The following NKAIN2 variants were observed in gnomAD, a reference collection of about 807,000 sequenced individuals.
NKAIN2 encodes the protein sodium/potassium transporting ATPase interacting 2.
Under a neutral mutation model 32.6 loss-of-function variants are expected in NKAIN2, and 14 were observed. That is an observed-to-expected ratio of 0.43 (90% CI 0.28 to 0.67). NKAIN2 has a LOEUF of 0.67. Ranked by LOEUF, NKAIN2 falls within the 30% of genes least tolerant of loss-of-function variation. The pLI is 0.17. For synonymous variants in NKAIN2, 80 were observed against 87.2 expected (o/e 0.92, Z 0.46); for missense variants, 198 against 258.3 (o/e 0.77, Z 1.60).
chr6:124,239,409 T>C (rs145767618), intron 1 of NKAIN2, among the ~76,000 whole-genome samples: 3,557 of 152,146 alleles, frequency 0.023, 138 homozygotes, highest in African/African-American at 0.082. Context: ...TAGACATCTA[T>C]AGAACTCTCC....
intron 4 of NKAIN2, among the ~76,000 whole-genome samples, chr6:124,700,344 C>G (rs1774713741): frequency 6.6e-6 from 1 of 152,168 alleles, no homozygotes; most frequent in South Asian, 2.1e-4. Flanking sequence ...AGTATTACTT[C>G]TGTTCGCTCA....
intron 3 of NKAIN2, among the ~76,000 whole-genome samples, chr6:124,395,546 C>T (rs990872234): frequency 3.3e-5 from 5 of 152,092 alleles, no homozygotes; most frequent in Admixed American, 1.3e-4. Flanking sequence ...AATTGAGATA[C>T]TCATGGATGT....
intron 2 of NKAIN2, among the ~76,000 whole-genome samples, chr6:124,348,101 T>C (rs753284280): frequency 6.6e-5 from 10 of 152,198 alleles, no homozygotes; most frequent in Non-Finnish European, 1.2e-4. Context: ...AGAGGTCCAC[T>C]CCAGACCCTG....
At chr6:124,777,088 T>C (rs1430260890) in intron 4 of NKAIN2, among the ~76,000 whole-genome samples, 6 of 152,218 alleles carry the variant, frequency 3.9e-5, no homozygotes, top group African/African-American at 1.4e-4. Context: ...GATTTTTTAG[T>C]ATTTTCTAAA....
At chr6:124,788,841 A>G (rs1185748661) in intron 4 of NKAIN2, among the ~76,000 whole-genome samples, 1 of 152,048 alleles carries the variant, frequency 6.6e-6, no homozygotes, top group Non-Finnish European at 1.5e-5. Flanking sequence ...AATTTTATAA[A>G]TTGCCACTGG....
chr6:124,059,525 G>A (rs997112185), intron 1 of NKAIN2, among the ~76,000 whole-genome samples: 2 of 152,066 alleles, frequency 1.3e-5, no homozygotes, highest in African/African-American at 2.4e-5. Context: ...TCTCAGAAGC[G>A]TAGAACCTAA....
At chr6:124,208,940 A>G (rs2114652150) in intron 1 of NKAIN2, among the ~76,000 whole-genome samples, 1 of 151,764 alleles carries the variant, frequency 6.6e-6, no homozygotes, top group South Asian at 2.1e-4. Context: ...CCATCATCTC[A>G]AATATTTATC....
rs141619013 is a variant in NKAIN2 at position 124,390,347 on chromosome 6, G to A, written c.273+35000G>A. ...TTTCAATACTCTAGCAATTAGGCAG[G>A]CTGAAGCAAACAAGCTCGAGATCAG... On this transcript the variant is annotated intron_variant, in intron 3 of 6. Coordinates refer to ENST00000368417, the MANE Select transcript of NKAIN2 (RefSeq NM_001040214.3). Among the ~76,000 whole-genome samples, 1,088 of 152,132 alleles carry A rather than the reference G, an allele frequency of 7.2e-3. 7 individuals carry two copies. Among genetic ancestry groups the A allele is most frequent in the Non-Finnish European group, 7.8e-3 (529 of 67,958 alleles).
At chr6:124,753,717 G>A (rs763302147) in intron 4 of NKAIN2, among the ~76,000 whole-genome samples, 19 of 152,176 alleles carry the variant, frequency 1.2e-4, no homozygotes, top group Non-Finnish European at 1.8e-4. Flanking sequence ...GAAAGAATGA[G>A]GAGTCTCTGA....
At chr6:124,524,703 C>T (rs963247407) in intron 3 of NKAIN2, among the ~76,000 whole-genome samples, 1 of 152,186 alleles carries the variant, frequency 6.6e-6, no homozygotes, top group African/African-American at 2.4e-5. Context: ...CAAAAGTAGA[C>T]TCCTGTTTCA....
chr6:124,765,074 A>G (rs1257071189), intron 4 of NKAIN2, among the ~76,000 whole-genome samples: 1 of 152,216 alleles, frequency 6.6e-6, no homozygotes, highest in Non-Finnish European at 1.5e-5. Context: ...AATAATATCT[A>G]AGACCCTCAG....
chr6:124,072,146 TA>T (rs1042207471), intron 1 of NKAIN2, among the ~76,000 whole-genome samples: 1 of 152,064 alleles, frequency 6.6e-6, no homozygotes, highest in South Asian at 2.1e-4. Context: ...ATGCAGCCAT[TA>T]AAAAATAATA....
At chr6:124,424,097 C>T (rs780140675) in intron 3 of NKAIN2, among the ~76,000 whole-genome samples, 66 of 151,962 alleles carry the variant, frequency 4.3e-4, no homozygotes, top group Non-Finnish European at 8.5e-4. Context: ...GGGTTCACGC[C>T]GTTCTCCTGT....
intron 4 of NKAIN2, among the ~76,000 whole-genome samples, chr6:124,726,182 A>C (rs978914239): frequency 6.6e-6 from 1 of 152,336 alleles, no homozygotes; most frequent in Admixed American, 6.5e-5. Flanking sequence ...GCAGCCAGAA[A>C]GCTCCAACTG....
At chr6:124,522,371 A>G (rs1323799435) in intron 3 of NKAIN2, among the ~76,000 whole-genome samples, 1 of 152,192 alleles carries the variant, frequency 6.6e-6, no homozygotes, top group Non-Finnish European at 1.5e-5. Context: ...TATTTGGTGT[A>G]ATTCTTATAG....
chr6:124,700,048 A>G lies in NKAIN2; in HGVS notation c.474+41662A>G, dbSNP rs552855404. 2.3e-4 allele frequency among the ~76,000 whole-genome samples: 35 copies of G among 152,330 alleles called. 1 individual carries two copies. Among genetic ancestry groups the G allele is most frequent in the African/African-American group, 8.2e-4 (34 of 41,576 alleles). On this transcript the variant is annotated intron_variant, in intron 4 of 6. Coordinates refer to ENST00000368417, the MANE Select transcript of NKAIN2 (RefSeq NM_001040214.3). ...ATCCAGCAGAATTCTCTGCTCAGAA[A>G]AAATACATAAAGAAGTGTGTATTTA...
At chr6:124,188,182 A>G (rs802288) in intron 1 of NKAIN2, among the ~76,000 whole-genome samples, 122,589 of 152,114 alleles carry the variant, frequency 0.81, 49,547 homozygotes, top group Non-Finnish European at 0.85. Flanking sequence ...AATTTGGTCC[A>G]ATAGCATCAT....
At chr6:124,222,566 A>G (rs1174483219) in intron 1 of NKAIN2, among the ~76,000 whole-genome samples, 1 of 152,160 alleles carries the variant, frequency 6.6e-6, no homozygotes, top group Non-Finnish European at 1.5e-5. Flanking sequence ...ACCTAAGAGA[A>G]AAGTGTTTAT....
At chr6:124,274,671 A>T (rs2325999) in intron 1 of NKAIN2, among the ~76,000 whole-genome samples, 6,985 of 152,222 alleles carry the variant, frequency 0.046, 299 homozygotes, top group Admixed American at 0.099. Flanking sequence ...TAAACGCATG[A>T]TTTAAAAGTA....
Sources: allele counts gnomAD v4.1 joint callset (sites outside exome capture counted in the v4.1 genomes callset), GRCh38; gene constraint gnomAD v4.1.1; transcripts MANE v1.5; gene names NCBI Gene and HGNC (gene_info 2026-07-23, HGNC 2026-07-21).